Variants in BCL9 observed in about 807,000 individuals in gnomAD.
BCL9 encodes the protein B-cell CLL/lymphoma 9 protein.
BCL9 carries 25 observed loss-of-function variants against 88.5 expected under a neutral mutation model. The observed-to-expected ratio is 0.28, with a 90% CI of 0.21 to 0.39. The LOEUF (loss-of-function observed/expected upper bound fraction) is 0.39, where lower values mean the gene tolerates loss of function less well. BCL9 is among the 10% of genes least tolerant of loss of function. BCL9 has a pLI of 1.00. For synonymous variants in BCL9, 711 were observed against 673.3 expected, an observed-to-expected ratio of 1.06 and a Z score of -0.87; for missense variants, 1,817 against 1,877.8, an observed-to-expected ratio of 0.97 and a Z score of 0.60.
chr1:147,622,673 G>C (rs1658705999), intron 9 of BCL9, 142 bp downstream of exon 9: 2 of 1,047,302 alleles, frequency 1.9e-6, no homozygotes, highest in African/African-American at 3.2e-5. Context: ...AGTTTCAGTA[G>C]AATGAAAGTG....
chr1:147,597,360 T>A (rs147541567), intron 1 of BCL9, among the ~76,000 whole-genome samples: 1,695 of 152,282 alleles, frequency 0.011, 29 homozygotes, highest in African/African-American at 0.039. Context: ...ACACAGTGAG[T>A]GCTCATCATT....
Position 147,622,530 on chromosome 1 carries a change from A to G in BCL9, c.3162A>G (p.Pro1054=). The G allele has an allele frequency of 2.5e-6, 4 of 1,614,102 alleles. No individual in the cohort carries two copies. The highest frequency in any genetic ancestry group is 3.4e-6 in the Non-Finnish European group (4 of 1,179,932). Residue 1054 remains proline (P), a splice_region_variant and synonymous_variant, in exon 9 of 10, where the codon CCA becomes CCG. Transcript: ENST00000234739. ...ACTTGCCATCAATGAATAATATGCC[A>G]GGTAAGAAATCAGAAAGGCAGGTTG... ...SPNLPSMNNM[P]GMGINTQNPR...
Position 147,620,122 on chromosome 1 carries a change from T to A in BCL9, c.1967T>A (p.Met656Lys), listed in dbSNP as rs1391194111. The A allele has an allele frequency of 1.2e-5, 20 of 1,614,150 alleles. No individual in the cohort carries two copies. Among genetic ancestry groups the A allele is most frequent in the Non-Finnish European group, 1.6e-5 (19 of 1,180,036 alleles). The change falls in exon 8 of 10, where the codon ATG becomes AAG. Residue 656 changes from methionine (M) to lysine (K), a missense_variant. Physicochemically the swap from Met to Lys is moderately conservative, Grantham distance 95. Around this residue, in one of 2 missense-constraint regions of BCL9, gnomAD observed 1,228 missense variants for 1,191.6 expected, o/e 1.03. Transcript: ENST00000234739. Reference protein sequence around the residue: ...GMAMEGIRPSMEMNRMIPGSQ... With the variant: ...GMAMEGIRPSKEMNRMIPGSQ... Reference sequence around the variant, plus strand: ...GCCATGGAAGGCATCAGGCCCAGCATGGAGATGAACAGGATGATTCCAGGC... The same window carrying A: ...GCCATGGAAGGCATCAGGCCCAGCAAGGAGATGAACAGGATGATTCCAGGC...
chr1:147,559,758 C>T (rs1023544681), intron 1 of BCL9, among the ~76,000 whole-genome samples: 2 of 152,202 alleles, frequency 1.3e-5, no homozygotes, highest in Non-Finnish European at 2.9e-5. Context: ...GTAAATACCT[C>T]GTTCCTCTCT....
intron 6 of BCL9, among the ~76,000 whole-genome samples, chr1:147,615,180 TAC>T (rs2101613597): frequency 6.6e-6 from 1 of 152,252 alleles, no homozygotes; most frequent in East Asian, 1.9e-4. Flanking sequence ...GATTGCACAA[TAC>T]ACACTTTTCT....
chr1:147,624,357 G>A lies in BCL9; in HGVS notation c.3679G>A (p.Gly1227Arg). 6.2e-7 allele frequency: 1 copy of A among 1,614,204 alleles called. No individual in the cohort carries two copies. The highest frequency in any genetic ancestry group is 1.1e-5 in the South Asian group (1 of 91,082). The change falls in exon 10 of 10, where the codon GGA (glycine) becomes AGA (arginine). Residue 1227 changes from glycine to arginine, a missense_variant. This residue lies in a region of BCL9 where 589 missense variants were observed against 686.2 expected (regional missense o/e 0.86). Coordinates refer to ENST00000234739, the MANE Select transcript of BCL9 (RefSeq NM_004326.4). This position sits in a 1 kb window ranked among gnomAD's most constrained non-coding sequence, Gnocchi z 4.4. ...DPDLQEVIRP[G>R]ATGIPEFDLS... ...AGATCTGCAGGAGGTCATCCGACCT[G>A]GAGCCACCGGAATACCTGAGTTTGA...
rs67428703 is a variant in BCL9, at chr1:147,577,834, A to ATGTGTGTGTGTGTGTGTGTG, written c.-477-26925_-477-26906dup. Among the ~76,000 whole-genome samples, 20 of 141,144 alleles carry ATGTGTGTGTGTGTGTGTGTG rather than the reference A, an allele frequency of 1.4e-4. No individual in the cohort carries two copies. In the East Asian group the frequency reaches 2.8e-3, roughly 20 times the overall value. The allele number at this position is 141,144 out of a possible 152,430, so 92.6% of individuals were successfully genotyped here. ...CAGTGCTTCTAAAGTTTTTCTACCA[A>ATGTGTGTGTGTGTGTGTGTG]TGTGTGTGTGTGTGTGTGTGTGTGT... On this transcript the variant is annotated intron_variant, in intron 1 of 9. Transcript: ENST00000234739.
chr1:147,604,135 A>G lies in BCL9; in HGVS notation c.-477-642A>G, dbSNP rs587598439. Among the ~76,000 whole-genome samples the G allele has an allele frequency of 2.0e-5, 3 of 152,302 alleles. No individual in the cohort carries two copies. In the East Asian group the frequency reaches 5.8e-4, roughly 29 times the overall value. On this transcript the variant is annotated intron_variant, in intron 1 of 9. Coordinates refer to ENST00000234739, the MANE Select transcript of BCL9 (RefSeq NM_004326.4). ...AGGTCACAGAATTGCTAATAATACC[A>G]GGGATGGTTACTTCCATTCGCCATT...
intron 1 of BCL9, among the ~76,000 whole-genome samples, chr1:147,585,408 G>A (rs1390292139): frequency 2.0e-5 from 3 of 152,092 alleles, no homozygotes; most frequent in African/African-American, 4.8e-5. Context: ...TACAGCTTGG[G>A]GGGATTGTGG....
intron 1 of BCL9, among the ~76,000 whole-genome samples, chr1:147,591,746 C>T (rs1553199933): frequency 6.6e-6 from 1 of 152,138 alleles, no homozygotes. Context: ...TGCCCAAATC[C>T]TATTCTTCAA....
intron 1 of BCL9, among the ~76,000 whole-genome samples, chr1:147,575,312 T>C (rs971906329): frequency 6.6e-6 from 1 of 152,220 alleles, no homozygotes; most frequent in East Asian, 1.9e-4. Flanking sequence ...ACACAGCTCC[T>C]TGTAATTTTC....
intron 1 of BCL9, among the ~76,000 whole-genome samples, chr1:147,599,496 C>T (rs1228643746): frequency 7.6e-6 from 1 of 132,242 alleles, no homozygotes; most frequent in African/African-American, 4.4e-5. Context: ...GGCCCCCCGC[C>T]CCCCTCGGTT....
intron 1 of BCL9, among the ~76,000 whole-genome samples, chr1:147,595,678 T>C (rs1365180303): frequency 2.0e-5 from 3 of 151,780 alleles, no homozygotes; most frequent in Non-Finnish European, 2.9e-5. Flanking sequence ...AGTGAGACTA[T>C]CTCTACAAAA....
At chr1:147,570,359 G>C (rs1218952692) in intron 1 of BCL9, among the ~76,000 whole-genome samples, 6 of 152,136 alleles carry the variant, frequency 3.9e-5, no homozygotes, top group Non-Finnish European at 8.8e-5. Flanking sequence ...AAGCATTGAG[G>C]AGTCAATAGT....
At chr1:147,578,811 TGAAGTATAAGG>T (rs1473560000) in intron 1 of BCL9, among the ~76,000 whole-genome samples, 16 of 152,174 alleles carry the variant, frequency 1.1e-4, no homozygotes, top group Non-Finnish European at 2.4e-4. Flanking sequence ...GAATTTTATG[TGAAGTATAAGG>T]GAAAGGTACC....
At chr1:147,591,304 A>G (rs1418741027) in intron 1 of BCL9, among the ~76,000 whole-genome samples, 1 of 152,140 alleles carries the variant, frequency 6.6e-6, no homozygotes, top group Non-Finnish European at 1.5e-5. Context: ...CACCTTATTT[A>G]TCTATCTGTA....
intron 1 of BCL9, among the ~76,000 whole-genome samples, chr1:147,573,528 G>A (rs1655975455): frequency 6.6e-6 from 1 of 152,210 alleles, no homozygotes; most frequent in Non-Finnish European, 1.5e-5. Context: ...AAAAGGGAGT[G>A]GAAGCAACTC....
At chr1:147,562,633 G>C (rs1655429380) in intron 1 of BCL9, among the ~76,000 whole-genome samples, 1 of 152,152 alleles carries the variant, frequency 6.6e-6, no homozygotes, top group Non-Finnish European at 1.5e-5. Flanking sequence ...ACACTACTGA[G>C]GCTGACTTGA....
chr1:147,558,790 G>T (rs966082109), intron 1 of BCL9, among the ~76,000 whole-genome samples: 1 of 152,134 alleles, frequency 6.6e-6, no homozygotes, highest in African/African-American at 2.4e-5. Flanking sequence ...TTTGTCTGTG[G>T]TCCTTTTAAA....
Sources: allele counts gnomAD v4.1 joint callset (sites outside exome capture counted in the v4.1 genomes callset), GRCh38; gene constraint gnomAD v4.1.1; regional missense constraint gnomAD v4.1.1; non-coding constraint Gnocchi (gnomAD v3.1); transcripts MANE v1.5; gene names NCBI Gene and HGNC (gene_info 2026-07-23, HGNC 2026-07-21).